SCYL2: variants seen among roughly 807,000 people sequenced by gnomAD.
SCYL2 encodes the protein SCY1 like pseudokinase 2, also known as SCY1-like protein 2.
SCYL2 carries 36 observed loss-of-function variants against 100.4 expected under a neutral mutation model. The ratio of observed to expected loss-of-function variants is 0.36; its 90% CI spans 0.27 to 0.47. The LOEUF is 0.47. Ranked by LOEUF, SCYL2 falls within the 20% of genes least tolerant of loss-of-function variation. The pLI is 1.00. For missense variants in SCYL2, 902 were observed against 1,083.9 expected, an observed-to-expected ratio of 0.83 and a Z score of 2.36; for synonymous variants, 330 against 359.2, an observed-to-expected ratio of 0.92 and a Z score of 0.92.
chr12:100,271,281 A>AAAAAAAAAAAAAAAAGAG (rs869276181), intron 1 of SCYL2, among the ~76,000 whole-genome samples: 1 of 128,906 alleles, frequency 7.8e-6, no homozygotes, highest in African/African-American at 2.8e-5. Context: ...AAAAAAAAAA[A>AAAAAAAAAAAAAAAAGAG]AGAGAGAGAG....
chr12:100,330,608 A>C (rs1194181669), intron 13 of SCYL2, among the ~76,000 whole-genome samples: 1 of 152,180 alleles, frequency 6.6e-6, no homozygotes, highest in Admixed American at 6.5e-5. Flanking sequence ...TTTAACTGAG[A>C]GCATCAGAGA....
At chr12:100,294,915 G>C (rs1255543360) in intron 3 of SCYL2, among the ~76,000 whole-genome samples, 1 of 151,414 alleles carries the variant, frequency 6.6e-6, no homozygotes, top group Non-Finnish European at 1.5e-5. Context: ...GCGGCTGCTG[G>C]GCGGAGGGGC....
intron 2 of SCYL2, among the ~76,000 whole-genome samples, chr12:100,290,333 T>A (rs2096309119): frequency 6.6e-6 from 1 of 152,178 alleles, no homozygotes; most frequent in East Asian, 1.9e-4. Flanking sequence ...GGACGTTGTG[T>A]TTTAATTGAG....
In SCYL2 at chr12:100,337,801, T is replaced by C. The variant is rs995153590; in HGVS notation, c.2145+295T>C. Among the ~76,000 whole-genome samples the C allele has an allele frequency of 3.9e-5, 6 of 152,328 alleles. No individual in the cohort carries two copies. The South Asian group carries it at 1.0e-3, about 26-fold the overall frequency. On this transcript the variant is annotated intron_variant, in intron 17 of 17. Transcript: ENST00000360820. ...TTCAACTCTGTTCACTCTGAAATGA[T>C]CAGAATATTATATTCATGCTCTTAA...
At chr12:100,332,723 T>TG (rs1566372221) in intron 13 of SCYL2, among the ~76,000 whole-genome samples, 1 of 151,380 alleles carries the variant, frequency 6.6e-6, no homozygotes, top group African/African-American at 2.4e-5. Context: ...TTTTTGTTTT[T>TG]TTTTTTTTTG....
intron 10 of SCYL2, 31 bp from the exon 11 acceptor site, chr12:100,323,494 C>T: frequency 8.0e-7 from 1 of 1,254,818 alleles, no homozygotes; most frequent in South Asian, 1.3e-5. Flanking sequence ...GAGTCTTTCC[C>T]TAATATTGAT....
At chr12:100,334,393 A>G (rs754613299) in intron 14 of SCYL2, 127 bp downstream of exon 14, 19 of 658,942 alleles carry the variant, frequency 2.9e-5, no homozygotes, top group Admixed American at 5.6e-5. Flanking sequence ...AAAACATTTC[A>G]AAATTTACCA....
intron 3 of SCYL2, among the ~76,000 whole-genome samples, chr12:100,295,266 C>CAG (rs1274088343): frequency 6.6e-6 from 1 of 151,846 alleles, no homozygotes; most frequent in Non-Finnish European, 1.5e-5. Flanking sequence ...GGCGGCCAGG[C>CAG]AGAGACGCTC....
At chr12:100,317,193 C>T (rs570223182) in intron 9 of SCYL2, among the ~76,000 whole-genome samples, 1 of 152,042 alleles carries the variant, frequency 6.6e-6, no homozygotes, top group South Asian at 2.1e-4. Context: ...CAGTATGTTC[C>T]TTATAATTTA....
intron 3 of SCYL2, among the ~76,000 whole-genome samples, chr12:100,293,242 C>T (rs2096312654): frequency 6.6e-6 from 1 of 152,182 alleles, no homozygotes; most frequent in Non-Finnish European, 1.5e-5. Context: ...CAGGTGCATG[C>T]TGCTGCACCT....
rs923991250 is a variant in SCYL2 at position 100,334,037 on chromosome 12, G to T, written c.1762-129G>T. ...TGTATCATTCTTATTGAATATCAGC[G>T]CTGTGACTGGATCCTATTCTACTGG... On this transcript the variant is annotated intron_variant, in intron 13 of 17. Transcript: ENST00000360820. 5.2e-6 allele frequency: 3 copies of T among 582,154 alleles called. No homozygotes were observed. In the East Asian group the frequency reaches 8.8e-5, roughly 17 times the overall value. The allele number at this position is 582,154 out of a possible 1,614,324, so 36.1% of individuals were successfully genotyped here. A position where few individuals can be genotyped will look rare whatever the true frequency, so the allele number is the denominator to read the frequency against.
chr12:100,270,491 A>G (rs910574967), intron 1 of SCYL2, among the ~76,000 whole-genome samples: 7 of 152,144 alleles, frequency 4.6e-5, no homozygotes, highest in African/African-American at 1.7e-4. Context: ...TGTAAAAACT[A>G]TAGTTCACTA....
At chr12:100,271,560 T>G (rs2096287748) in intron 1 of SCYL2, among the ~76,000 whole-genome samples, 1 of 152,224 alleles carries the variant, frequency 6.6e-6, no homozygotes, top group African/African-American at 2.4e-5. Context: ...AAGCAAACTA[T>G]TTTGAGTTTC....
At chr12:100,311,955 G>A (rs1409061267) in intron 5 of SCYL2, among the ~76,000 whole-genome samples, 2 of 152,168 alleles carry the variant, frequency 1.3e-5, no homozygotes, top group African/African-American at 4.8e-5. Flanking sequence ...CAGTTTTAAG[G>A]TAATCAGAAC....
chr12:100,295,567 C>T (rs979371797), intron 3 of SCYL2, among the ~76,000 whole-genome samples: 11 of 151,874 alleles, frequency 7.2e-5, no homozygotes, highest in South Asian at 4.2e-4. Context: ...GGCGTGGCAG[C>T]GCGTGCCTGC....
rs1022469517 is a variant in SCYL2 at position 100,318,030 on chromosome 12, A to T, written c.1395+105A>T. 5.2e-6 allele frequency: 5 copies of T among 966,938 alleles called. No individual in the cohort carries two copies. The African/African-American group carries it at 8.3e-5, about 16-fold the overall frequency. 59.9% of individuals were successfully genotyped at this position (966,938 alleles called of 1,614,324 possible). ...TTTAAGTCATAAAATACATAACTCA[A>T]TAGTAAATATATTTATCTTTTGAAT... On this transcript the variant is annotated intron_variant, in intron 10 of 17. Coordinates refer to ENST00000360820, the MANE Select transcript of SCYL2 (RefSeq NM_017988.6).
At chr12:100,315,328 T>TA (rs1431185893) in intron 8 of SCYL2, among the ~76,000 whole-genome samples, 1 of 152,154 alleles carries the variant, frequency 6.6e-6, no homozygotes, top group East Asian at 1.9e-4. Context: ...TTCCTACAGG[T>TA]AGGGTGACCG....
At chr12:100,291,918 C>G in intron 3 of SCYL2, 1 of 363,652 alleles carries the variant, frequency 2.7e-6, no homozygotes, top group Non-Finnish European at 4.9e-6. Context: ...CTACAATAGT[C>G]AAAATAGAAC....
chr12:100,314,626 T>A lies in SCYL2; in HGVS notation c.1095+12T>A. 1 of 1,582,960 alleles carries A rather than the reference T, an allele frequency of 6.3e-7. No homozygotes were observed. The highest frequency in any genetic ancestry group is 8.6e-7 in the Non-Finnish European group (1 of 1,169,498). ...CAAAACTGCCCAAGGTTTGTTATTG[T>A]TAGTTTCTTATTAATAATCAGGATT... On this transcript the variant is annotated intron_variant, in intron 8 of 17. Coordinates refer to ENST00000360820, the MANE Select transcript of SCYL2 (RefSeq NM_017988.6).
Sources: gnomAD v4.1 joint callset for allele counts (sites outside exome capture counted in the v4.1 genomes callset) on GRCh38, gnomAD v4.1.1 for gene constraint, MANE v1.5 for transcripts, NCBI Gene and HGNC (gene_info 2026-07-23, HGNC 2026-07-21) for gene names.